TBC1D5: variants seen among roughly 807,000 people sequenced by gnomAD.
TBC1D5 encodes TBC1 domain family, member 5.
In TBC1D5, 75 loss-of-function variants were observed where a neutral mutation model predicts 100.3. That is an observed-to-expected ratio of 0.75 (90% CI 0.62 to 0.91). The LOEUF (loss-of-function observed/expected upper bound fraction) is 0.91, where lower values mean the gene tolerates loss of function less well. TBC1D5 is among the 40% of genes least tolerant of loss of function. The probability of loss-of-function intolerance (pLI) is 0.00; values close to 1 mark genes in which losing one functional copy is unlikely to be tolerated. For synonymous variants in TBC1D5, 323 were observed against 325.6 expected, an observed-to-expected ratio of 0.99 and a Z score of 0.09; for missense variants, 910 against 942.4, an observed-to-expected ratio of 0.97 and a Z score of 0.45.
At chr3:17,669,658 A>T (rs2067697871) in intron 1 of TBC1D5, among the ~76,000 whole-genome samples, 1 of 152,212 alleles carries the variant, frequency 6.6e-6, no homozygotes, top group Admixed American at 6.5e-5. Flanking sequence ...ACGTTAATAC[A>T]TATAAAAATG....
intron 1 of TBC1D5, among the ~76,000 whole-genome samples, chr3:17,626,277 G>A (rs951109636): frequency 2.6e-5 from 4 of 152,236 alleles, no homozygotes; most frequent in Non-Finnish European, 5.9e-5. Context: ...ATTAGCTGTA[G>A]AGCATCTTTC....
intron 1 of TBC1D5, among the ~76,000 whole-genome samples, chr3:17,706,567 T>C (rs2074204419): frequency 6.6e-6 from 1 of 152,116 alleles, no homozygotes; most frequent in Non-Finnish European, 1.5e-5. Flanking sequence ...TAGACAACTT[T>C]TTTCAACAAT....
chr3:17,341,322 G>A (rs1575424343), intron 13 of TBC1D5, among the ~76,000 whole-genome samples: 2 of 151,886 alleles, frequency 1.3e-5, no homozygotes, highest in African/African-American at 4.8e-5. Context: ...TCAGCCTCCC[G>A]AGTAGCTGGG....
At chr3:17,593,048 G>C (rs951233934) in intron 2 of TBC1D5, among the ~76,000 whole-genome samples, 9 of 152,114 alleles carry the variant, frequency 5.9e-5, no homozygotes, top group Admixed American at 5.9e-4. Flanking sequence ...TCGGACTCAA[G>C]CAGGTCCTGA....
intron 4 of TBC1D5, among the ~76,000 whole-genome samples, chr3:17,417,705 C>T (rs1016634969): frequency 6.6e-6 from 1 of 151,878 alleles, no homozygotes; most frequent in Admixed American, 6.6e-5. Context: ...GGGTATATAC[C>T]CAGTAATGGG....
chr3:17,558,695 A>G (rs2096537527), intron 2 of TBC1D5, among the ~76,000 whole-genome samples: 1 of 152,340 alleles, frequency 6.6e-6, no homozygotes, highest in South Asian at 2.1e-4. Context: ...GACATAGTAA[A>G]TATCTTAGGC....
At chr3:17,596,294 G>T (rs186293322) in intron 2 of TBC1D5, among the ~76,000 whole-genome samples, 4 of 147,284 alleles carry the variant, frequency 2.7e-5, no homozygotes, top group African/African-American at 9.9e-5. Flanking sequence ...GTTAGTGGAA[G>T]ATAATATTTT....
intron 17 of TBC1D5, among the ~76,000 whole-genome samples, chr3:17,233,185 T>G (rs1420334402): frequency 6.6e-6 from 1 of 152,206 alleles, no homozygotes; most frequent in East Asian, 1.9e-4. Context: ...TTTGCTACAC[T>G]GTACTTTAAT....
At chr3:17,397,916 C>T (rs556306775) in intron 8 of TBC1D5, among the ~76,000 whole-genome samples, 1 of 152,060 alleles carries the variant, frequency 6.6e-6, no homozygotes, top group Non-Finnish European at 1.5e-5. Flanking sequence ...AGGGAAAACA[C>T]ATTTGAAGAA....
chr3:17,299,936 G>C (rs2082664573), intron 14 of TBC1D5, among the ~76,000 whole-genome samples: 1 of 151,560 alleles, frequency 6.6e-6, no homozygotes, highest in Non-Finnish European at 1.5e-5. Flanking sequence ...TGGGTATCTG[G>C]GGGAGTGGGT....
At chr3:17,227,987 C>G (rs1326199667) in intron 17 of TBC1D5, among the ~76,000 whole-genome samples, 1 of 151,572 alleles carries the variant, frequency 6.6e-6, no homozygotes, top group Admixed American at 6.6e-5. Context: ...TCTGACAGAT[C>G]AAGAAGAGCT....
At chr3:17,289,881 A>G (rs763336122) in intron 15 of TBC1D5, among the ~76,000 whole-genome samples, 13 of 152,192 alleles carry the variant, frequency 8.5e-5, no homozygotes, top group Non-Finnish European at 1.9e-4. Flanking sequence ...GTGTCAAGTG[A>G]CTTTAGTTAC....
intron 13 of TBC1D5, among the ~76,000 whole-genome samples, chr3:17,363,758 G>A (rs2091910557): frequency 6.6e-6 from 1 of 151,502 alleles, no homozygotes; most frequent in African/African-American, 2.4e-5. Context: ...ATATGTACTG[G>A]CCATTGTTAA....
chr3:17,488,463 G>GT (rs945655054), intron 3 of TBC1D5, among the ~76,000 whole-genome samples: 2 of 152,260 alleles, frequency 1.3e-5, no homozygotes, highest in South Asian at 2.1e-4. Flanking sequence ...CTGTATAGAC[G>GT]TAAGTTTTCA....
chr3:17,263,808 T>G (rs917162241), intron 15 of TBC1D5, among the ~76,000 whole-genome samples: 1 of 152,200 alleles, frequency 6.6e-6, no homozygotes, highest in African/African-American at 2.4e-5. Context: ...CGCTTCTGAC[T>G]TTGCAAAATG....
chr3:17,183,641 T>C (rs1417868585), intron 19 of TBC1D5, among the ~76,000 whole-genome samples: 2 of 152,168 alleles, frequency 1.3e-5, no homozygotes, highest in African/African-American at 2.4e-5. Flanking sequence ...GGTAGGAATA[T>C]GGCTGAGGGT....
In TBC1D5 at chr3:17,345,354, T is replaced by G. The variant is rs547550150; in HGVS notation, c.995+26721A>C. Among the ~76,000 whole-genome samples, 112 of 152,168 alleles carry G rather than the reference T, an allele frequency of 7.4e-4. 2 individuals carry two copies. In the East Asian group the frequency reaches 0.012, roughly 16 times the overall value. On this transcript the variant is annotated intron_variant, in intron 13 of 21. Coordinates refer to ENST00000253692, the Ensembl canonical transcript of TBC1D5. The stretch of plus-strand genomic sequence containing the variant: ...TCACTGGCCATCAGAGAAATGCAAA[T>G]TAAAACCACAATGAGATACCATCTC...
chr3:17,262,523 C>T (rs2078412438), intron 15 of TBC1D5, among the ~76,000 whole-genome samples: 1 of 148,670 alleles, frequency 6.7e-6, no homozygotes, highest in African/African-American at 2.5e-5. Context: ...GCTCTGTCGC[C>T]CAGGTTGGAG....
At chr3:17,343,137 T>C (rs540344884) in intron 13 of TBC1D5, among the ~76,000 whole-genome samples, 1 of 152,314 alleles carries the variant, frequency 6.6e-6, no homozygotes, top group Non-Finnish European at 1.5e-5. Context: ...TGGAGATACG[T>C]CCCATCAATA....
Sources: gnomAD v4.1 joint callset for allele counts (sites outside exome capture counted in the v4.1 genomes callset) on GRCh38, gnomAD v4.1.1 for gene constraint, MANE v1.5 for transcripts, NCBI Gene and HGNC (gene_info 2026-07-23, HGNC 2026-07-21) for gene names.